TASOR: variants seen among roughly 807,000 people sequenced by gnomAD.
TASOR encodes the protein protein TASOR.
TASOR carries 53 observed loss-of-function variants against 178.6 expected under a neutral mutation model. The observed-to-expected ratio is 0.30, with a 90% CI of 0.24 to 0.37. The LOEUF (loss-of-function observed/expected upper bound fraction) is 0.37. Among genes scored for constraint, TASOR ranks in the 10% least tolerant of loss-of-function variants. The probability of loss-of-function intolerance (pLI) is 1.00; values close to 1 mark genes in which losing one functional copy is unlikely to be tolerated. For missense variants in TASOR, 1,815 were observed against 1,971.4 expected (o/e 0.92, Z 1.50); for synonymous variants, 713 against 696.2 (o/e 1.02, Z -0.38).
intron 14 of TASOR, among the ~76,000 whole-genome samples, chr3:56,645,492 TA>T (rs1197618430): frequency 6.6e-6 from 1 of 152,176 alleles, no homozygotes; most frequent in African/African-American, 2.4e-5. Flanking sequence ...GGAGCAACAG[TA>T]ACACAAAACG....
rs1320557683 is a variant in TASOR at position 56,621,192 on chromosome 3, AAC to A, written c.*1843_*1844del. 26 of 166,772 alleles carry A rather than the reference AAC, an allele frequency of 1.6e-4. No individual in the cohort carries two copies. The highest frequency in any genetic ancestry group is 6.4e-5 in the Non-Finnish European group (5 of 77,926). The allele number at this position is 166,772 out of a possible 1,614,324, so 10.3% of individuals were successfully genotyped here. A position where few individuals can be genotyped will look rare whatever the true frequency, so the allele number is the denominator to read the frequency against. ...AACAAAACAACAACAACAAAAAAAA[AAC>A]ACTGTATGTTAAGGGAGACTCCTTC... On this transcript the variant is annotated 3_prime_UTR_variant, in exon 24 of 24. Coordinates refer to ENST00000683822, the MANE Select transcript of TASOR (RefSeq NM_001365635.2).
At chr3:56,654,397 C>T (rs1441302751) in intron 11 of TASOR, among the ~76,000 whole-genome samples, 3 of 18,540 alleles carry the variant, frequency 1.6e-4, no homozygotes, top group East Asian at 0.016. Context: ...CAGGGGTGGG[C>T]GGGGTTGGGG....
rs1482273081 is a variant in TASOR, at chr3:56,621,681, G to A, written c.*1356C>T. ...TTCCAAATTATAAAATGTGCTCACTGGCTCAACTGTATTTTTCAAATAGCC... is the reference window on the plus strand; with the variant it reads ...TTCCAAATTATAAAATGTGCTCACTAGCTCAACTGTATTTTTCAAATAGCC... On this transcript the variant is annotated 3_prime_UTR_variant, in exon 24 of 24. Transcript: ENST00000683822. 1.8e-6 allele frequency: 2 copies of A among 1,126,604 alleles called. No homozygotes were observed. The highest frequency in any genetic ancestry group is 2.6e-6 in the Non-Finnish European group (2 of 772,108). 69.8% of individuals were successfully genotyped at this position (1,126,604 alleles called of 1,614,324 possible). A position where few individuals can be genotyped will look rare whatever the true frequency, so the allele number is the denominator to read the frequency against.
intron 21 of TASOR, among the ~76,000 whole-genome samples, chr3:56,625,617 A>C (rs934883930): frequency 4.6e-5 from 7 of 152,210 alleles, no homozygotes; most frequent in Non-Finnish European, 1.0e-4. Context: ...ATTACACTCC[A>C]GTCTGGGCAA....
At chr3:56,637,196 T>A (rs1374237330) in intron 17 of TASOR, among the ~76,000 whole-genome samples, 1 of 152,228 alleles carries the variant, frequency 6.6e-6, no homozygotes, top group East Asian at 1.9e-4. Context: ...GAAAATCTTC[T>A]GGGATGCTAG....
At chr3:56,666,165 A>T (rs984206112) in intron 7 of TASOR, 95 bp downstream of exon 7, 7 of 1,067,100 alleles carry the variant, frequency 6.6e-6, no homozygotes, top group African/African-American at 1.7e-5. Context: ...AAAAAAAAAA[A>T]TGGGAAGGAA....
chr3:56,623,796 G>T, intron 23 of TASOR: 1 of 1,551,088 alleles, frequency 6.4e-7, no homozygotes, highest in South Asian at 1.2e-5. Context: ...GTTTAATGTT[G>T]GGAAATCCCA....
At chr3:56,660,206 T>C (rs1475292170) in intron 11 of TASOR, among the ~76,000 whole-genome samples, 1 of 151,136 alleles carries the variant, frequency 6.6e-6, no homozygotes, top group Non-Finnish European at 1.5e-5. Context: ...AGATATTCCA[T>C]GGGGGCTGGG....
chr3:56,657,487 A>G (rs1195634211), intron 11 of TASOR, among the ~76,000 whole-genome samples: 2 of 152,220 alleles, frequency 1.3e-5, no homozygotes, highest in Non-Finnish European at 2.9e-5. Flanking sequence ...GTTTGCTTTC[A>G]TATCCCCCAC....
intron 16 of TASOR, 110 bp downstream of exon 16, chr3:56,639,876 G>A: frequency 1.1e-6 from 1 of 876,636 alleles, no homozygotes; most frequent in Non-Finnish European, 1.7e-6. Context: ...CACCAATTAA[G>A]ATGAAGCACC....
Position 56,627,563 on chromosome 3 carries a change from C to G in TASOR, c.4030+19G>C. 6.2e-7 allele frequency: 1 copy of G among 1,613,158 alleles called. No homozygotes were observed. The highest frequency in any genetic ancestry group is 8.5e-7 in the Non-Finnish European group (1 of 1,179,742). ...AGAGTCAGAAGAGGAGTTACGTGCT[C>G]AAAAGAACATCATCTTACCAACTGT... On this transcript the variant is annotated intron_variant, in intron 20 of 23. Transcript: ENST00000683822.
At position 56,622,123 on chromosome 3, in the gene TASOR, T is replaced by G. The variant is rs1028407369; in HGVS notation, c.*914A>C. 2.0e-5 allele frequency: 3 copies of G among 152,242 alleles called. No homozygotes were observed. The highest frequency in any genetic ancestry group is 2.9e-5 in the Non-Finnish European group (2 of 68,042). The allele number at this position is 152,242 out of a possible 1,614,324, so 9.4% of individuals were successfully genotyped here. A position where few individuals can be genotyped will look rare whatever the true frequency, so the allele number is the denominator to read the frequency against. On this transcript the variant is annotated 3_prime_UTR_variant, in exon 24 of 24. Transcript: ENST00000683822. Reference sequence around the variant, plus strand: ...ACATTTATTTGCACTATGACATTTATTTGTAGAAATTGCAATTTTCAAAAA... The same window carrying G: ...ACATTTATTTGCACTATGACATTTAGTTGTAGAAATTGCAATTTTCAAAAA...
At chr3:56,658,946 C>CTG (rs58622702) in intron 11 of TASOR, among the ~76,000 whole-genome samples, 2,656 of 147,508 alleles carry the variant, frequency 0.018, 24 homozygotes, top group Middle Eastern at 0.034. Flanking sequence ...GAGAGAGAGA[C>CTG]TGTGTGTGTG....
chr3:56,648,667 A>G (rs1438944078), intron 13 of TASOR, among the ~76,000 whole-genome samples, 155 bp downstream of exon 13: 1 of 149,026 alleles, frequency 6.7e-6, no homozygotes, highest in Non-Finnish European at 1.5e-5. Context: ...AAAAATTCAT[A>G]TAATTTGTGT....
In TASOR at chr3:56,683,037, C is replaced by T; in HGVS notation, c.-31G>A. 1 of 1,495,828 alleles carries T rather than the reference C, an allele frequency of 6.7e-7. No homozygotes were observed. Among genetic ancestry groups the T allele is most frequent in the Non-Finnish European group, 8.9e-7 (1 of 1,120,996 alleles). 92.7% of individuals were successfully genotyped at this position (1,495,828 alleles called of 1,614,324 possible). On this transcript the variant is annotated 5_prime_UTR_variant, in exon 1 of 24. Coordinates refer to ENST00000683822, the MANE Select transcript of TASOR (RefSeq NM_001365635.2). Reference sequence around the variant, plus strand: ...CGGCCTAAGGAGCTCTGGGAAGCTTCTGCCCACAAGGTCGACGGGTGTGGG... The same window carrying T: ...CGGCCTAAGGAGCTCTGGGAAGCTTTTGCCCACAAGGTCGACGGGTGTGGG...
intron 17 of TASOR, among the ~76,000 whole-genome samples, chr3:56,636,133 G>A (rs1340269491): frequency 6.6e-6 from 1 of 151,304 alleles, no homozygotes; most frequent in Admixed American, 6.6e-5. Context: ...GTGAAACCTC[G>A]TCTCTACTAA....
chr3:56,623,209 A>C lies in TASOR; in HGVS notation c.4841T>G (p.Leu1614Arg). The change falls in exon 24 of 24, where the codon CTC (leucine) becomes CGC (arginine). Residue 1614 changes from leucine to arginine, a missense_variant. Leu to Arg is a moderately radical substitution (Grantham distance 102). Transcript: ENST00000683822. ...MSHQFSHFNV[L>R]THQTFLGTPY... The stretch of plus-strand genomic sequence containing the variant: ...TGTCCCCAAAAATGTCTGATGAGTG[A>C]GAACATTAAAATGACTAAACTGATG... The C allele has an allele frequency of 1.2e-6, 2 of 1,613,656 alleles. No homozygotes were observed. The highest frequency in any genetic ancestry group is 1.7e-6 in the Non-Finnish European group (2 of 1,179,894).
At chr3:56,678,930 T>C (rs2031557664) in intron 1 of TASOR, among the ~76,000 whole-genome samples, 1 of 150,952 alleles carries the variant, frequency 6.6e-6, no homozygotes, top group Admixed American at 6.6e-5. Flanking sequence ...GAGAATCCTT[T>C]GAACCTAGGA....
At position 56,623,373 on chromosome 3, in the gene TASOR, T is replaced by C. The variant is rs747303934; in HGVS notation, c.4677A>G (p.Leu1559=). 3 of 1,613,690 alleles carry C rather than the reference T, an allele frequency of 1.9e-6. No individual in the cohort carries two copies. The highest frequency in any genetic ancestry group is 2.5e-6 in the Non-Finnish European group (3 of 1,179,940). Residue 1559 remains leucine (L), a synonymous_variant, in exon 24 of 24, where the codon TTA becomes TTG. Coordinates refer to ENST00000683822, the MANE Select transcript of TASOR (RefSeq NM_001365635.2). The part of the protein sequence containing the change: ...LQSSPDVQNS[L]LEDKTYLDSE... ...AATCAAGGTAAGTCTTATCTTCTAA[T>C]AAACTGTTTTGCACATCAGGAGACG...
Sources: allele counts gnomAD v4.1 joint callset (sites outside exome capture counted in the v4.1 genomes callset), GRCh38; gene constraint gnomAD v4.1.1; transcripts MANE v1.5; gene names NCBI Gene and HGNC (gene_info 2026-07-23, HGNC 2026-07-21).